Variants in BAHCC1 observed in about 807,000 individuals in gnomAD.
The protein encoded by BAHCC1 is BAH and coiled-coil domain-containing protein 1.
A neutral mutation model predicts 88.2 loss-of-function variants in BAHCC1; 43 were observed. That is an observed-to-expected ratio of 0.49 (90% confidence interval 0.38 to 0.63). BAHCC1 has a LOEUF of 0.63. BAHCC1 is among the 20% of genes least tolerant of loss of function. BAHCC1 has a pLI of 0.00. For synonymous variants in BAHCC1, 1,510 were observed against 745.5 expected (o/e 2.03, Z -16.71); for missense variants, 3,023 against 1,654.8 (o/e 1.83, Z -14.34).
At position 81,458,884 on chromosome 17, in the gene BAHCC1, C is replaced by T. The variant is rs1471854504; in HGVS notation, c.5520C>T (p.Asn1840=). The change falls in exon 20 of 28, where the codon AAC becomes AAT. Residue 1840 remains asparagine (N), a synonymous_variant. Coordinates refer to ENST00000675386, the MANE Select transcript of BAHCC1 (RefSeq NM_001377448.1). ...AGGAAGACTTTGAGTTCGACGACAA[C>T]AGCAGCTTCTCGGAAGAGGAGGAGG... ...AVEEDFEFDD[N]SSFSEEEEDE... The T allele has an allele frequency of 1.3e-6, 1 of 774,752 alleles. No individual in the cohort carries two copies. The highest frequency in any genetic ancestry group is 2.4e-6 in the Non-Finnish European group (1 of 414,506). 48.0% of individuals were successfully genotyped at this position (774,752 alleles called of 1,614,324 possible). A position where few individuals can be genotyped will look rare whatever the true frequency, so the allele number is the denominator to read the frequency against.
intron 2 of BAHCC1, chr17:81,403,053 G>A (rs2063836239): frequency 6.6e-6 from 1 of 152,244 alleles, no homozygotes; most frequent in Non-Finnish European, 1.5e-5. Flanking sequence ...CTAGGGGGGA[G>A]AAAAGAGAAA....
intron 11 of BAHCC1, among the ~76,000 whole-genome samples, chr17:81,449,469 G>A (rs1029776854): frequency 1.3e-5 from 2 of 152,186 alleles, no homozygotes; most frequent in African/African-American, 4.8e-5. Context: ...CCCCACCATC[G>A]GGGCCGGGCA....
At chr17:81,415,300 C>CA (rs1417855619) in intron 2 of BAHCC1, among the ~76,000 whole-genome samples, 1 of 152,252 alleles carries the variant, frequency 6.6e-6, no homozygotes, top group African/African-American at 2.4e-5. Flanking sequence ...CTTGGGGTCG[C>CA]AGCAGGGTGC....
intron 10 of BAHCC1, among the ~76,000 whole-genome samples, chr17:81,446,057 G>A (rs2064520816): frequency 6.6e-6 from 1 of 152,172 alleles, no homozygotes; most frequent in South Asian, 2.1e-4. Context: ...AGCAAAGCTG[G>A]GAGAGGGAGG....
chr17:81,421,650 C>T (rs1452918757), intron 2 of BAHCC1, among the ~76,000 whole-genome samples: 8 of 152,222 alleles, frequency 5.3e-5, no homozygotes, highest in Admixed American at 5.2e-4. Context: ...ATCTGAGAGC[C>T]CCCAGCCGTG....
Position 81,411,078 on chromosome 17 carries a change from T to G in BAHCC1, c.178+11161T>G, listed in dbSNP as rs781832249. The G allele has an allele frequency of 7.7e-6, 4 of 519,256 alleles. No homozygotes were observed. The Admixed American group carries it at 7.8e-5, about 10-fold the overall frequency. 32.2% of individuals were successfully genotyped at this position (519,256 alleles called of 1,614,324 possible). A position where few individuals can be genotyped will look rare whatever the true frequency, so the allele number is the denominator to read the frequency against. ...TCCCCTCGGGCCTGAGGGGTCCCTC[T>G]CTCTGGGGTCACGCTCCCTTGTTCT... On this transcript the variant is annotated intron_variant, in intron 2 of 27. Coordinates refer to ENST00000675386, the MANE Select transcript of BAHCC1 (RefSeq NM_001377448.1). The surrounding 1 kb of genome is among the most constrained non-coding windows in gnomAD (Gnocchi z 6.2).
intron 2 of BAHCC1, among the ~76,000 whole-genome samples, chr17:81,404,347 T>C (rs991070775): frequency 1.2e-4 from 18 of 152,230 alleles, no homozygotes; most frequent in Non-Finnish European, 7.3e-5. Flanking sequence ...CTAATAAAAA[T>C]AATAATTTAC....
At chr17:81,432,963 T>C (rs1555651160) in intron 3 of BAHCC1, among the ~76,000 whole-genome samples, 1 of 136,598 alleles carries the variant, frequency 7.3e-6, no homozygotes, top group African/African-American at 2.8e-5. Flanking sequence ...GGTGCCTGGA[T>C]CCTGGGCAGG....
At chr17:81,462,455 A>T (rs935310368) in intron 26 of BAHCC1, 17 of 511,590 alleles carry the variant, frequency 3.3e-5, no homozygotes, top group Non-Finnish European at 5.2e-5. Flanking sequence ...GCCTTCGTAA[A>T]TAACACTGTG....
Position 81,458,641 on chromosome 17 carries a change from C to G in BAHCC1, c.5364C>G (p.Ser1788=), listed in dbSNP as rs782688506. The change falls in exon 19 of 28, where the codon TCC becomes TCG. Residue 1788 remains serine (S), a synonymous_variant. Transcript: ENST00000675386. ...PVLRRKNGAL[S]ITLATRNAKA... ...CGCAGCGGAAGAACGGGGCCCTGTC[C>G]ATCACGCTGGCCACACGCAACGCCA... 2 of 718,328 alleles carry G rather than the reference C, an allele frequency of 2.8e-6. No homozygotes were observed. Among genetic ancestry groups the G allele is most frequent in the South Asian group, 3.0e-5 (2 of 67,666 alleles). 44.5% of individuals were successfully genotyped at this position (718,328 alleles called of 1,614,324 possible). A position where few individuals can be genotyped will look rare whatever the true frequency, so the allele number is the denominator to read the frequency against.
chr17:81,416,334 ATGGGTGTGTGTGTGTCCATGAGGG>A (rs1555648687), intron 2 of BAHCC1, among the ~76,000 whole-genome samples: 2 of 105,262 alleles, frequency 1.9e-5, no homozygotes, highest in Non-Finnish European at 3.7e-5. Flanking sequence ...GTCCATGAGG[ATGGGTGTGTGTGTGTCCATGAGGG>A]TGGGTCTATG....
At chr17:81,415,745 G>A (rs986585052) in intron 2 of BAHCC1, 14 of 307,582 alleles carry the variant, frequency 4.6e-5, no homozygotes, top group African/African-American at 1.6e-4. Flanking sequence ...TGATCACAGC[G>A]TGCGAAGCTG....
rs540215801 is a variant in BAHCC1, at chr17:81,413,454, C to T, written c.179-13346C>T. 9.2e-4 allele frequency among the ~76,000 whole-genome samples: 140 copies of T among 152,290 alleles called. 1 individual carries two copies. In the South Asian group the frequency reaches 0.02, roughly 21 times the overall value. ...TCTTCCTCCCCCTTCTGTCTTCCCCCCACACCACACCACCGCCTCCACTCT... is the reference window on the plus strand; with the variant it reads ...TCTTCCTCCCCCTTCTGTCTTCCCCTCACACCACACCACCGCCTCCACTCT... On this transcript the variant is annotated intron_variant, in intron 2 of 27. Transcript: ENST00000675386.
chr17:81,401,103 AGT>A (rs1338283500), intron 2 of BAHCC1: 4 of 152,290 alleles, frequency 2.6e-5, no homozygotes, highest in African/African-American at 9.6e-5. Flanking sequence ...GATTACAATT[AGT>A]GTGTGGATTA....
intron 2 of BAHCC1, chr17:81,410,030 C>G (rs1312503392): frequency 3.3e-6 from 1 of 307,624 alleles, no homozygotes; most frequent in African/African-American, 2.2e-5. Flanking sequence ...CCTGCTCTTC[C>G]CTCCCTGAGT....
Position 81,442,281 on chromosome 17 carries a change from G to C in BAHCC1, c.932G>C (p.Gly311Ala), listed in dbSNP as rs1383742478. 1.6e-6 allele frequency: 1 copy of C among 626,596 alleles called. No individual in the cohort carries two copies. Among genetic ancestry groups the C allele is most frequent in the Non-Finnish European group, 2.9e-6 (1 of 347,818 alleles). 38.8% of individuals were successfully genotyped at this position (626,596 alleles called of 1,614,324 possible). Residue 311 changes from glycine (G) to alanine (A), a missense_variant, in exon 5 of 28, where the codon GGC becomes GCC. By Grantham distance (60) the Gly-to-Ala change is moderately conservative (BLOSUM62 0). Coordinates refer to ENST00000675386, the MANE Select transcript of BAHCC1 (RefSeq NM_001377448.1). ...SCAGGMLGRP[G>A]TGVVTSGRCA... ...GCAGGGGGCATGCTGGGGCGGCCTG[G>C]CACGGGGGTGGTGACCTCCGGGCGC... is the stretch of plus-strand genomic sequence containing the variant.
intron 2 of BAHCC1, among the ~76,000 whole-genome samples, chr17:81,416,840 G>A (rs2064038082): frequency 6.6e-6 from 1 of 152,242 alleles, no homozygotes; most frequent in African/African-American, 2.4e-5. Flanking sequence ...TCCACTTGGA[G>A]GATGGGAGAG....
chr17:81,458,790 A>G, intron 19 of BAHCC1, 23 bp from the exon 20 acceptor site: 1 of 761,562 alleles, frequency 1.3e-6, no homozygotes, highest in Non-Finnish European at 2.5e-6. Context: ...ACCCCACCCA[A>G]GCCTGACTCC....
chr17:81,409,818 G>A (rs1461323973), intron 2 of BAHCC1, among the ~76,000 whole-genome samples: 1 of 152,214 alleles, frequency 6.6e-6, no homozygotes, highest in Non-Finnish European at 1.5e-5. Context: ...CAGCGAGGGG[G>A]AGACCATGGC....
Sources: gnomAD v4.1 joint callset for allele counts (sites outside exome capture counted in the v4.1 genomes callset) on GRCh38, gnomAD v4.1.1 for gene constraint, Gnocchi (gnomAD v3.1) non-coding constraint, MANE v1.5 for transcripts, NCBI Gene and HGNC (gene_info 2026-07-23, HGNC 2026-07-21) for gene names.